The following SPON1 variants were observed in gnomAD, a reference collection of about 807,000 sequenced individuals.
SPON1 encodes spondin-1.
A neutral mutation model predicts 111.7 loss-of-function variants in SPON1; 52 were observed. That is an observed-to-expected ratio of 0.47 (90% CI 0.37 to 0.59). The LOEUF is 0.59. Among genes scored for constraint, SPON1 ranks in the 20% least tolerant of loss-of-function variants. The pLI, the probability that SPON1 is intolerant of heterozygous loss-of-function variation, is 0.00. For synonymous variants in SPON1, 410 were observed against 395.8 expected (o/e 1.04, Z -0.43); for missense variants, 957 against 1,068.5 (o/e 0.90, Z 1.46).
intron 3 of SPON1, among the ~76,000 whole-genome samples, chr11:14,061,362 A>G (rs1285280247): frequency 2.0e-5 from 3 of 152,214 alleles, no homozygotes; most frequent in Non-Finnish European, 4.4e-5. Flanking sequence ...CATTCTATGT[A>G]TCTATCATTC....
At chr11:14,052,769 A>T (rs1297831712) in intron 3 of SPON1, among the ~76,000 whole-genome samples, 1 of 152,226 alleles carries the variant, frequency 6.6e-6, no homozygotes, top group South Asian at 2.1e-4. Flanking sequence ...GTTTCATTCA[A>T]CAGCTGGGAT....
At chr11:14,234,504 T>C (rs911961470) in intron 6 of SPON1, among the ~76,000 whole-genome samples, 2 of 152,080 alleles carry the variant, frequency 1.3e-5, no homozygotes, top group African/African-American at 2.4e-5. Context: ...AAGAACATAA[T>C]AAAAATGCAG....
Position 13,972,318 on chromosome 11 carries a change from G to A in SPON1, c.238+9176G>A, listed in dbSNP as rs146493832. 6.6e-4 allele frequency among the ~76,000 whole-genome samples: 100 copies of A among 152,274 alleles called. 1 individual carries two copies. The highest frequency in any genetic ancestry group is 2.3e-3 in the African/African-American group (95 of 41,538). ...CTCAAATTCTTGCAATTTTCTGGAA[G>A]GCCTGCTTCCCTCTTTAACCTAGAC... On this transcript the variant is annotated intron_variant, in intron 1 of 15. Coordinates refer to ENST00000576479, the MANE Select transcript of SPON1 (RefSeq NM_006108.4).
intron 5 of SPON1, among the ~76,000 whole-genome samples, chr11:14,120,508 T>C (rs1919303): frequency 0.32 from 48,026 of 151,836 alleles, 7,859 homozygotes; most frequent in East Asian, 0.55. Context: ...TACTGCCTGC[T>C]TCTGGAAACT....
intron 1 of SPON1, among the ~76,000 whole-genome samples, chr11:13,964,216 C>G (rs1222352609): frequency 6.6e-6 from 1 of 152,244 alleles, no homozygotes. Context: ...GGAAGCGAGC[C>G]TGTCTGGCCT....
chr11:13,964,494 C>G (rs1848000557), intron 1 of SPON1, among the ~76,000 whole-genome samples: 2 of 152,346 alleles, frequency 1.3e-5, no homozygotes, highest in South Asian at 4.1e-4. Flanking sequence ...TCTTGGAGCG[C>G]TTTTCCCCCT....
chr11:14,257,942 G>C, intron 11 of SPON1, 44 bp downstream of exon 11: 1 of 1,476,302 alleles, frequency 6.8e-7, no homozygotes, highest in Non-Finnish European at 9.0e-7. Flanking sequence ...CAGGAGTTCA[G>C]GAAGGGAGGG....
intron 6 of SPON1, among the ~76,000 whole-genome samples, chr11:14,193,534 C>T (rs560020359): frequency 2.0e-5 from 3 of 152,292 alleles, no homozygotes; most frequent in Non-Finnish European, 2.9e-5. Flanking sequence ...TCATTGGTTT[C>T]ACTTTATGTG....
chr11:14,077,279 G>A (rs534888840), intron 4 of SPON1, among the ~76,000 whole-genome samples: 1 of 152,162 alleles, frequency 6.6e-6, no homozygotes, highest in African/African-American at 2.4e-5. Context: ...CAGTGCCTGG[G>A]GAGAAGACCT....
At chr11:14,245,058 T>C (rs1554940105) in intron 7 of SPON1, among the ~76,000 whole-genome samples, 1 of 152,120 alleles carries the variant, frequency 6.6e-6, no homozygotes, top group East Asian at 1.9e-4. Flanking sequence ...TCTACATCCA[T>C]TAACACCCGT....
chr11:14,127,783 T>C (rs1847477748), intron 5 of SPON1, among the ~76,000 whole-genome samples: 2 of 152,200 alleles, frequency 1.3e-5, no homozygotes, highest in South Asian at 4.1e-4. Flanking sequence ...GAGACTCTAA[T>C]GTAAAAAGAG....
chr11:14,053,332 C>G (rs1206734096), intron 3 of SPON1, among the ~76,000 whole-genome samples: 1 of 152,132 alleles, frequency 6.6e-6, no homozygotes, highest in Non-Finnish European at 1.5e-5. Flanking sequence ...CTGGCAATCA[C>G]CAATCTACAT....
intron 2 of SPON1, among the ~76,000 whole-genome samples, chr11:13,996,149 C>A (rs547517851): frequency 1.3e-5 from 2 of 151,820 alleles, no homozygotes; most frequent in South Asian, 2.1e-4. Flanking sequence ...TAGAGCCTCA[C>A]AAGGGCCTAG....
chr11:14,005,865 C>A (rs1304909715), intron 2 of SPON1, among the ~76,000 whole-genome samples: 1 of 152,108 alleles, frequency 6.6e-6, no homozygotes, highest in Non-Finnish European at 1.5e-5. Flanking sequence ...GGGTTCAAAT[C>A]CTGAATCTAC....
intron 2 of SPON1, among the ~76,000 whole-genome samples, chr11:13,988,649 G>C (rs782593368): frequency 1.3e-5 from 2 of 152,146 alleles, no homozygotes; most frequent in Non-Finnish European, 2.9e-5. Flanking sequence ...AATGCTTCCA[G>C]TTTTTGCCCA....
intron 5 of SPON1, among the ~76,000 whole-genome samples, chr11:14,082,747 T>C (rs1341266971): frequency 1.3e-5 from 2 of 152,240 alleles, no homozygotes; most frequent in Non-Finnish European, 2.9e-5. Context: ...AAGTTATTTC[T>C]ATCAGTCTTA....
intron 7 of SPON1, among the ~76,000 whole-genome samples, chr11:14,248,069 G>A (rs1032457942): frequency 5.9e-5 from 9 of 152,196 alleles, no homozygotes; most frequent in East Asian, 1.9e-4. Flanking sequence ...GCTTGGTACC[G>A]AGAAAGCCAG....
intron 5 of SPON1, among the ~76,000 whole-genome samples, chr11:14,097,259 A>G (rs1180280713): frequency 1.3e-5 from 2 of 152,242 alleles, no homozygotes; most frequent in Non-Finnish European, 2.9e-5. Context: ...AGCTAAGAGG[A>G]CACCCTTTAA....
At chr11:14,072,053 A>C (rs1417007063) in intron 3 of SPON1, among the ~76,000 whole-genome samples, 2 of 152,202 alleles carry the variant, frequency 1.3e-5, no homozygotes, top group Non-Finnish European at 2.9e-5. Flanking sequence ...TAGAGGTATT[A>C]GTGGTATATG....
Sources: gnomAD v4.1 joint callset for allele counts (sites outside exome capture counted in the v4.1 genomes callset) on GRCh38, gnomAD v4.1.1 for gene constraint, MANE v1.5 for transcripts, NCBI Gene and HGNC (gene_info 2026-07-23, HGNC 2026-07-21) for gene names.